C6orf163: variants seen among roughly 807,000 people sequenced by gnomAD.
C6orf163 encodes uncharacterized protein C6orf163.
Under a neutral mutation model 28.4 loss-of-function variants are expected in C6orf163, and 22 were observed. The ratio of observed to expected loss-of-function variants is 0.78; its 90% CI spans 0.55 to 1.11. C6orf163 has a LOEUF of 1.11. C6orf163 is among the 50% of genes least tolerant of loss of function. The pLI, the probability that C6orf163 is intolerant of heterozygous loss-of-function variation, is 0.00. For synonymous variants in C6orf163, 110 were observed against 123.6 expected, an observed-to-expected ratio of 0.89 and a Z score of 0.73; for missense variants, 342 against 389.1, an observed-to-expected ratio of 0.88 and a Z score of 1.02.
At chr6:87,354,271 T>C (rs1296160414) in intron 3 of C6orf163, among the ~76,000 whole-genome samples, 1 of 152,210 alleles carries the variant, frequency 6.6e-6, no homozygotes, top group Non-Finnish European at 1.5e-5. Flanking sequence ...TGGCAAGTAA[T>C]TTTCTTGTTC....
intron 2 of C6orf163, 49 bp from the exon 3 acceptor site, chr6:87,350,345 T>C (rs1470804218): frequency 7.5e-6 from 9 of 1,192,772 alleles, no homozygotes; most frequent in Non-Finnish European, 1.1e-5. Context: ...CAAGTTTGCT[T>C]GTGCTTATTC....
At chr6:87,357,401 G>A (rs1777521164) in intron 4 of C6orf163, 1 of 152,064 alleles carries the variant, frequency 6.6e-6, no homozygotes, top group Non-Finnish European at 1.5e-5. Context: ...GTCTGTGACT[G>A]GTCCCTTTTG....
intron 3 of C6orf163, among the ~76,000 whole-genome samples, chr6:87,355,247 T>A (rs1389932847): frequency 6.6e-6 from 1 of 152,214 alleles, no homozygotes; most frequent in Non-Finnish European, 1.5e-5. Context: ...TCTTTTGATG[T>A]CTTCCCAAAT....
At position 87,344,922 on chromosome 6, in the gene C6orf163, T is replaced by C; in HGVS notation, c.-178T>C. ...GGCTTTTAGCACCATTCTTTAACGT[T>C]AGACACATAACCACAGCCTAATCAC... On this transcript the variant is annotated 5_prime_UTR_variant, in exon 1 of 5. Transcript: ENST00000388923. The C allele has an allele frequency of 1.9e-6, 1 of 525,882 alleles. No homozygotes were observed. Among genetic ancestry groups the C allele is most frequent in the Non-Finnish European group, 3.3e-6 (1 of 302,956 alleles). 32.6% of individuals were successfully genotyped at this position (525,882 alleles called of 1,614,324 possible).
rs544319886 is a variant in C6orf163 at position 87,347,868 on chromosome 6, G to A, written c.149-944G>A. 3.6e-5 allele frequency: 35 copies of A among 985,502 alleles called. No individual in the cohort carries two copies. The South Asian group carries it at 1.5e-3, about 42-fold the overall frequency. The allele number at this position is 985,502 out of a possible 1,614,324, so 61.0% of individuals were successfully genotyped here. The stretch of plus-strand genomic sequence containing the variant: ...TATTACCTTCAGCTTAGAAATCCCA[G>A]AGGAAGACCAGGCATGGTGGCTCAC... On this transcript the variant is annotated intron_variant, in intron 1 of 4. Coordinates refer to ENST00000388923, the MANE Select transcript of C6orf163 (RefSeq NM_001010868.3).
At chr6:87,361,459 A>G (rs1777579999) in intron 4 of C6orf163, among the ~76,000 whole-genome samples, 1 of 152,156 alleles carries the variant, frequency 6.6e-6, no homozygotes, top group African/African-American at 2.4e-5. Context: ...CAATTCTGGT[A>G]GAGCCTTCCA....
chr6:87,355,183 T>C (rs1296870300), intron 3 of C6orf163, among the ~76,000 whole-genome samples: 4 of 152,264 alleles, frequency 2.6e-5, no homozygotes, highest in African/African-American at 4.8e-5. Flanking sequence ...TCCTGGCTTC[T>C]ATCCCTAGTT....
chr6:87,355,015 A>G (rs1777477851), intron 3 of C6orf163, among the ~76,000 whole-genome samples: 1 of 152,148 alleles, frequency 6.6e-6, no homozygotes, highest in African/African-American at 2.4e-5. Context: ...ATTCCTTTCT[A>G]TTCTGGGTAA....
rs146028447 is a variant in C6orf163, at chr6:87,348,182, A to G, written c.149-630A>G. On this transcript the variant is annotated intron_variant, in intron 1 of 4. Coordinates refer to ENST00000388923, the MANE Select transcript of C6orf163 (RefSeq NM_001010868.3). ...AAAAAAAGAGAAATCCCAGTGGAAA[A>G]AGACCTGGCTGTCTGATATTGCGTG... 4.3e-3 allele frequency: 4,193 copies of G among 982,856 alleles called. 15 individuals carry two copies. The highest frequency in any genetic ancestry group is 4.6e-3 in the Non-Finnish European group (3,789 of 827,558). 60.9% of individuals were successfully genotyped at this position (982,856 alleles called of 1,614,324 possible).
intron 3 of C6orf163, among the ~76,000 whole-genome samples, chr6:87,352,148 C>T (rs974390679): frequency 8.5e-5 from 13 of 152,126 alleles, no homozygotes; most frequent in African/African-American, 3.1e-4. Flanking sequence ...TTTATACCAC[C>T]ATTTCAGATA....
chr6:87,364,036 C>A (rs1275101532), intron 4 of C6orf163, among the ~76,000 whole-genome samples: 1 of 152,096 alleles, frequency 6.6e-6, no homozygotes, highest in Non-Finnish European at 1.5e-5. Flanking sequence ...GTAATCCCAG[C>A]ACTTTGGGAG....
At position 87,345,034 on chromosome 6, in the gene C6orf163, A is replaced by C; in HGVS notation, c.-66A>C. ...TTTCTTAAACTTTCAGCTTTTCTTG[A>C]AACGACTTTTTCTGATTCTAAGATT... On this transcript the variant is annotated 5_prime_UTR_variant, in exon 1 of 5. Coordinates refer to ENST00000388923, the MANE Select transcript of C6orf163 (RefSeq NM_001010868.3). 7.3e-7 allele frequency: 1 copy of C among 1,361,968 alleles called. No homozygotes were observed. Among genetic ancestry groups the C allele is most frequent in the Non-Finnish European group, 9.8e-7 (1 of 1,021,958 alleles). The allele number at this position is 1,361,968 out of a possible 1,614,324, so 84.4% of individuals were successfully genotyped here.
In C6orf163 at chr6:87,365,140, C is replaced by G; in HGVS notation, c.734C>G (p.Ala245Gly). 1.3e-6 allele frequency: 2 copies of G among 1,551,878 alleles called. No individual in the cohort carries two copies. The highest frequency in any genetic ancestry group is 1.7e-6 in the Non-Finnish European group (2 of 1,147,032). Residue 245 changes from alanine to glycine, a missense_variant, in exon 5 of 5, where the codon GCC becomes GGC. Ala to Gly is a moderately conservative substitution (Grantham distance 60). Transcript: ENST00000388923. The part of the protein sequence containing the change: ...VLQEAEKTHQ[A>G]TLGNMMDKLA... ...CAAGAAGCAGAGAAAACACATCAGG[C>G]CACTCTTGGCAATATGATGGATAAA...
At chr6:87,348,593 G>T in intron 1 of C6orf163, 1 of 1,316,046 alleles carries the variant, frequency 7.6e-7, no homozygotes, top group Non-Finnish European at 9.7e-7. Flanking sequence ...GTGTGATGAG[G>T]GGAATGACCA....
At chr6:87,356,155 A>T in intron 3 of C6orf163, 146 bp from the exon 4 acceptor site, 2 of 690,654 alleles carry the variant, frequency 2.9e-6, no homozygotes, top group Admixed American at 5.8e-5. Flanking sequence ...AGTTTTCCAT[A>T]TCATACACAC....
At chr6:87,350,547 A>T in intron 3 of C6orf163, 46 bp downstream of exon 3, 1 of 1,126,552 alleles carries the variant, frequency 8.9e-7, no homozygotes, top group South Asian at 1.4e-5. Context: ...TAATTACATT[A>T]GTAAAAAGAA....
At chr6:87,363,495 G>T (rs556750337) in intron 4 of C6orf163, among the ~76,000 whole-genome samples, 2 of 148,588 alleles carry the variant, frequency 1.3e-5, no homozygotes, top group African/African-American at 2.5e-5. Flanking sequence ...ATCCCTCCCC[G>T]CTCCCCCCAC....
chr6:87,351,592 C>T (rs540397506), intron 3 of C6orf163, among the ~76,000 whole-genome samples: 19 of 152,310 alleles, frequency 1.2e-4, no homozygotes, highest in African/African-American at 4.6e-4. Context: ...TGCCCATTCC[C>T]CATTTCAGTT....
At chr6:87,351,694 A>G (rs977999482) in intron 3 of C6orf163, among the ~76,000 whole-genome samples, 3 of 152,226 alleles carry the variant, frequency 2.0e-5, no homozygotes, top group Admixed American at 6.5e-5. Context: ...TTAAAGTATT[A>G]AAGTACTTCT....
Sources: gnomAD v4.1 joint callset for allele counts (sites outside exome capture counted in the v4.1 genomes callset) on GRCh38, gnomAD v4.1.1 for gene constraint, MANE v1.5 for transcripts, NCBI Gene and HGNC (gene_info 2026-07-23, HGNC 2026-07-21) for gene names.